Variants in OR6C75 observed in about 807,000 individuals in gnomAD.
OR6C75 encodes the protein olfactory receptor 6C75.
For missense variants in OR6C75, 380 were observed against 368.0 expected (o/e 1.03, Z -0.27); for synonymous variants, 149 against 130.6 (o/e 1.14, Z -0.96).
chr12:55,364,664 CAT>C (rs1869749601), intron 2 of OR6C75, among the ~76,000 whole-genome samples: 1 of 152,014 alleles, frequency 6.6e-6, no homozygotes, highest in Admixed American at 6.6e-5. Flanking sequence ...AGGTATATAA[CAT>C]AATCTTTCTA....
At chr12:55,364,270 G>A (rs1592275772) in intron 2 of OR6C75, among the ~76,000 whole-genome samples, 2 of 119,388 alleles carry the variant, frequency 1.7e-5, no homozygotes, top group East Asian at 5.0e-4. Context: ...GAGTCATTGT[G>A]TCCTGCCTAA....
At chr12:55,363,405 A>T (rs1869714168) in intron 1 of OR6C75, among the ~76,000 whole-genome samples, 1 of 152,062 alleles carries the variant, frequency 6.6e-6, no homozygotes, top group South Asian at 2.1e-4. Flanking sequence ...ATATAAGTAA[A>T]ATTAAAGCAC....
In OR6C75 at chr12:55,369,088, A is replaced by G. The variant is rs1349759305; in HGVS notation, c.*3039A>G. 6.7e-6 allele frequency: 1 copy of G among 148,722 alleles called. No homozygotes were observed. Among genetic ancestry groups the G allele is most frequent in the East Asian group, 2.0e-4 (1 of 5,032 alleles). 9.2% of individuals were successfully genotyped at this position (148,722 alleles called of 1,614,324 possible). ...ACATGCAAACGTTAACTAAGTGAAG[A>G]TAAAGTATATATACATATACAACTA... On this transcript the variant is annotated 3_prime_UTR_variant, in exon 3 of 3. Coordinates refer to ENST00000641576, the MANE Select transcript of OR6C75 (RefSeq NM_001005497.2).
rs1459211725 is a variant in OR6C75 at position 55,365,600 on chromosome 12, T to A, written c.490T>A (p.Leu164Met). Reference protein sequence around the residue: ...IFPPVMLLLQLDFCASNVIDH... With the variant: ...IFPPVMLLLQMDFCASNVIDH... ...TCCACCAGTAATGCTTCTGCTGCAG[T>A]TGGATTTCTGTGCCTCCAATGTAAT... The change falls in exon 3 of 3, where the codon TTG (leucine) becomes ATG (methionine). Residue 164 changes from leucine (L) to methionine (M), a missense_variant. By Grantham distance (15) the Leu-to-Met change is conservative. Coordinates refer to ENST00000641576, the MANE Select transcript of OR6C75 (RefSeq NM_001005497.2). The A allele has an allele frequency of 6.2e-7, 1 of 1,614,096 alleles. No individual in the cohort carries two copies. The highest frequency in any genetic ancestry group is 8.5e-7 in the Non-Finnish European group (1 of 1,180,022).
intron 2 of OR6C75, among the ~76,000 whole-genome samples, chr12:55,364,420 G>C (rs1869743814): frequency 7.7e-6 from 1 of 129,520 alleles, no homozygotes; most frequent in South Asian, 2.7e-4. Flanking sequence ...CCACCTCCCA[G>C]GTTCAAGCAA....
rs759364733 is a variant in OR6C75, at chr12:55,365,577, C to T, written c.467C>T (p.Pro156Leu). The change falls in exon 3 of 3, where the codon CCA becomes CTA. Residue 156 changes from proline (P) to leucine (L), a missense_variant. Pro to Leu is a moderately conservative substitution (Grantham distance 98). Coordinates refer to ENST00000641576, the MANE Select transcript of OR6C75 (RefSeq NM_001005497.2). ...CTTGCAGGGTTTCTGATCATCTTTC[C>T]ACCAGTAATGCTTCTGCTGCAGTTG... ...SWLAGFLIIFPPVMLLLQLDF... is the reference protein window; with the variant it reads ...SWLAGFLIIFLPVMLLLQLDF... 1 of 1,614,020 alleles carries T rather than the reference C, an allele frequency of 6.2e-7. No homozygotes were observed. Among genetic ancestry groups the T allele is most frequent in the Non-Finnish European group, 8.5e-7 (1 of 1,179,986 alleles).
chr12:55,364,792 T>C (rs1869752905), intron 2 of OR6C75, 84 bp from the exon 3 acceptor site: 1 of 242,022 alleles, frequency 4.1e-6, no homozygotes, highest in Non-Finnish European at 7.9e-6. Context: ...GTGCTATACA[T>C]TAGCTCTCTA....
At chr12:55,364,650 T>C (rs1398573229) in intron 2 of OR6C75, among the ~76,000 whole-genome samples, 1 of 152,030 alleles carries the variant, frequency 6.6e-6, no homozygotes, top group Non-Finnish European at 1.5e-5. Flanking sequence ...ATTGTGTATA[T>C]TTAAGGTATA....
In OR6C75 at chr12:55,365,889, C is replaced by G; in HGVS notation, c.779C>G (p.Thr260Ser). 2 of 1,613,930 alleles carry G rather than the reference C, an allele frequency of 1.2e-6. No individual in the cohort carries two copies. Among genetic ancestry groups the G allele is most frequent in the Non-Finnish European group, 1.7e-6 (2 of 1,179,944 alleles). ...AGCTGTATCTTCATGTACATTAAGA[C>G]TTCTGCCAGAGAAAGGGTGACTTTA... ...YSSCIFMYIK[T>S]SARERVTLSK... The change falls in exon 3 of 3, where the codon ACT (threonine) becomes AGT (serine). Residue 260 changes from threonine to serine, a missense_variant. Coordinates refer to ENST00000641576, the MANE Select transcript of OR6C75 (RefSeq NM_001005497.2).
chr12:55,365,750 C>T lies in OR6C75; in HGVS notation c.640C>T (p.Leu214Phe). 1.2e-6 allele frequency: 2 copies of T among 1,614,000 alleles called. No individual in the cohort carries two copies. The highest frequency in any genetic ancestry group is 1.3e-5 in the African/African-American group (1 of 75,022). The change falls in exon 3 of 3, where the codon CTC becomes TTC. Residue 214 changes from leucine to phenylalanine, a missense_variant. Transcript: ENST00000641576. ...TLMVTLTLVI[L>F]SYTNIIRTIL... ...GATGGTCACCTTGACATTAGTTATT[C>T]TCTCCTACACAAACATCATCCGGAC...
chr12:55,368,675 T>A lies in OR6C75; in HGVS notation c.*2626T>A, dbSNP rs185650885. 7.2e-5 allele frequency: 11 copies of A among 152,302 alleles called. No individual in the cohort carries two copies. In the East Asian group the frequency reaches 2.1e-3, roughly 29 times the overall value. 9.4% of individuals were successfully genotyped at this position (152,302 alleles called of 1,614,324 possible). ...AAGAAAATTGGCTGTCTTGGGACAG[T>A]AGCTATGAATCTGACTAGATACAGG... On this transcript the variant is annotated 3_prime_UTR_variant, in exon 3 of 3. Coordinates refer to ENST00000641576, the MANE Select transcript of OR6C75 (RefSeq NM_001005497.2).
In OR6C75 at chr12:55,367,577, C is replaced by G. The variant is rs1869832869; in HGVS notation, c.*1528C>G. The G allele has an allele frequency of 6.6e-6, 1 of 152,128 alleles. No individual in the cohort carries two copies. The highest frequency in any genetic ancestry group is 1.5e-5 in the Non-Finnish European group (1 of 68,028). The allele number at this position is 152,128 out of a possible 1,614,324, so 9.4% of individuals were successfully genotyped here. On this transcript the variant is annotated 3_prime_UTR_variant, in exon 3 of 3. Transcript: ENST00000641576. ...CTAGCAAAAGTTGTATGCATTCTTC[C>G]TGAGAACTGGAACAAGACAAGGATG...
rs1208672063 is a variant in OR6C75 at position 55,366,818 on chromosome 12, C to G, written c.*769C>G. The G allele has an allele frequency of 2.6e-5, 4 of 152,040 alleles. No homozygotes were observed. The highest frequency in any genetic ancestry group is 4.8e-5 in the African/African-American group (2 of 41,402). The allele number at this position is 152,040 out of a possible 1,614,324, so 9.4% of individuals were successfully genotyped here. A position where few individuals can be genotyped will look rare whatever the true frequency, so the allele number is the denominator to read the frequency against. On this transcript the variant is annotated 3_prime_UTR_variant, in exon 3 of 3. Coordinates refer to ENST00000641576, the MANE Select transcript of OR6C75 (RefSeq NM_001005497.2). ...TAATCAAAGAGTTGATATTATTTATCTTATATTTTCCTTTGATAATATTTC... is the reference window on the plus strand; with the variant it reads ...TAATCAAAGAGTTGATATTATTTATGTTATATTTTCCTTTGATAATATTTC...
At position 55,365,622 on chromosome 12, in the gene OR6C75, T is replaced by G; in HGVS notation, c.512T>G (p.Val171Gly). Residue 171 changes from valine to glycine, a missense_variant, in exon 3 of 3, where the codon GTA (valine) becomes GGA (glycine). Transcript: ENST00000641576. ...CAGTTGGATTTCTGTGCCTCCAATG[T>G]AATTGATCATTTTATCTGTGACTCT... ...LLQLDFCASN[V>G]IDHFICDSSP... 6.2e-7 allele frequency: 1 copy of G among 1,614,116 alleles called. No homozygotes were observed. Among genetic ancestry groups the G allele is most frequent in the Non-Finnish European group, 8.5e-7 (1 of 1,180,022 alleles).
chr12:55,365,045 T>C lies in OR6C75; in HGVS notation c.-66T>C, dbSNP rs1869761822. 1 of 1,071,702 alleles carries C rather than the reference T, an allele frequency of 9.3e-7. No individual in the cohort carries two copies. Among genetic ancestry groups the C allele is most frequent in the South Asian group, 1.4e-5 (1 of 70,910 alleles). 66.4% of individuals were successfully genotyped at this position (1,071,702 alleles called of 1,614,324 possible). A position where few individuals can be genotyped will look rare whatever the true frequency, so the allele number is the denominator to read the frequency against. On this transcript the variant is annotated 5_prime_UTR_variant, in exon 3 of 3. Transcript: ENST00000641576. The stretch of plus-strand genomic sequence containing the variant: ...ATAATAATTTTCTTTACTGGTGTCA[T>C]AGTTTTCTGGTTTCTTCACCTATTT...
Position 55,366,101 on chromosome 12 carries a change from C to G in OR6C75, c.*52C>G. 1 of 998,268 alleles carries G rather than the reference C, an allele frequency of 1.0e-6. No individual in the cohort carries two copies. The highest frequency in any genetic ancestry group is 1.6e-5 in the South Asian group (1 of 61,412). 61.8% of individuals were successfully genotyped at this position (998,268 alleles called of 1,614,324 possible). On this transcript the variant is annotated 3_prime_UTR_variant, in exon 3 of 3. Coordinates refer to ENST00000641576, the MANE Select transcript of OR6C75 (RefSeq NM_001005497.2). ...CAAAGGCAAAGCTGAATGAAAAACT[C>G]TCTACCCTTCTCTACATGAACTCTT... is the stretch of plus-strand genomic sequence containing the variant.
Position 55,365,296 on chromosome 12 carries a change from G to T in OR6C75, c.186G>T (p.Arg62=). 1 of 1,613,964 alleles carries T rather than the reference G, an allele frequency of 6.2e-7. No homozygotes were observed. Among genetic ancestry groups the T allele is most frequent in the Non-Finnish European group, 8.5e-7 (1 of 1,179,968 alleles). The part of the protein sequence containing the change: ...HLQTPMYFFL[R]NFSFLEISFT... ...AGACTCCCATGTATTTCTTCCTTCGGAACTTCTCATTCCTGGAAATTTCAT... is the reference window on the plus strand; with the variant it reads ...AGACTCCCATGTATTTCTTCCTTCGTAACTTCTCATTCCTGGAAATTTCAT... Residue 62 remains arginine, a synonymous_variant, in exon 3 of 3, where the codon CGG becomes CGT. Coordinates refer to ENST00000641576, the MANE Select transcript of OR6C75 (RefSeq NM_001005497.2).
Position 55,369,218 on chromosome 12 carries a change from A to C in OR6C75, c.*3169A>C, listed in dbSNP as rs1369262307. The C allele has an allele frequency of 6.6e-6, 1 of 151,828 alleles. No individual in the cohort carries two copies. Among genetic ancestry groups the C allele is most frequent in the Non-Finnish European group, 1.5e-5 (1 of 67,854 alleles). The allele number at this position is 151,828 out of a possible 1,614,324, so 9.4% of individuals were successfully genotyped here. On this transcript the variant is annotated 3_prime_UTR_variant, in exon 3 of 3. Transcript: ENST00000641576. Reference sequence around the variant, plus strand: ...AAGTAAATTTTCTTAATCCACAAAAACTTATCTGAAGAAGTTGATTCTAAT... The same window carrying C: ...AAGTAAATTTTCTTAATCCACAAAACCTTATCTGAAGAAGTTGATTCTAAT...
Position 55,368,063 on chromosome 12 carries a change from G to C in OR6C75, c.*2014G>C, listed in dbSNP as rs1002776104. 1 of 152,236 alleles carries C rather than the reference G, an allele frequency of 6.6e-6. No individual in the cohort carries two copies. The highest frequency in any genetic ancestry group is 1.5e-5 in the Non-Finnish European group (1 of 68,136). The allele number at this position is 152,236 out of a possible 1,614,324, so 9.4% of individuals were successfully genotyped here. A position where few individuals can be genotyped will look rare whatever the true frequency, so the allele number is the denominator to read the frequency against. On this transcript the variant is annotated 3_prime_UTR_variant, in exon 3 of 3. Coordinates refer to ENST00000641576, the MANE Select transcript of OR6C75 (RefSeq NM_001005497.2). ...ATGGTAGCATACACCTGTGGTCCCA[G>C]CTACTCAAGAAGATGAGGTGGGAGA...
Sources: gnomAD v4.1 joint callset for allele counts (sites outside exome capture counted in the v4.1 genomes callset) on GRCh38, gnomAD v4.1.1 for gene constraint, MANE v1.5 for transcripts, NCBI Gene and HGNC (gene_info 2026-07-23, HGNC 2026-07-21) for gene names.